The following ZFPM2 variants were observed in gnomAD, a reference collection of about 807,000 sequenced individuals.
The protein encoded by ZFPM2 is zinc finger protein, FOG family member 2.
A neutral mutation model predicts 98.6 loss-of-function variants in ZFPM2; 20 were observed. The ratio of observed to expected loss-of-function variants is 0.20; its 90% CI spans 0.14 to 0.29. The LOEUF is 0.29. Among genes scored for constraint, ZFPM2 ranks in the 10% least tolerant of loss-of-function variants. ZFPM2 has a pLI of 1.00. For synonymous variants in ZFPM2, 518 were observed against 502.7 expected (o/e 1.03, Z -0.41); for missense variants, 1,310 against 1,388.6 (o/e 0.94, Z 0.90).
chr8:105,627,336 G>A (rs376538557), intron 4 of ZFPM2, among the ~76,000 whole-genome samples: 3 of 152,084 alleles, frequency 2.0e-5, no homozygotes, highest in African/African-American at 7.2e-5. Context: ...CTGTCTAAAC[G>A]TGAAACTCTG....
At chr8:105,774,552 G>C (rs1813055357) in intron 5 of ZFPM2, among the ~76,000 whole-genome samples, 1 of 152,066 alleles carries the variant, frequency 6.6e-6, no homozygotes, top group Non-Finnish European at 1.5e-5. Context: ...ATGAAAACAA[G>C]TATAGTATTT....
intron 6 of ZFPM2, among the ~76,000 whole-genome samples, chr8:105,793,820 C>G (rs986000533): frequency 7.2e-6 from 1 of 137,936 alleles, no homozygotes; most frequent in African/African-American, 3.4e-5. Flanking sequence ...TCCCTTCTCG[C>G]TTCATTTCAT....
chr8:105,652,502 A>G (rs944458922), intron 5 of ZFPM2, among the ~76,000 whole-genome samples: 1 of 151,778 alleles, frequency 6.6e-6, no homozygotes, highest in African/African-American at 2.4e-5. Context: ...AGCTATTCCC[A>G]TCTATTTATG....
chr8:105,725,335 T>C (rs1306064489), intron 5 of ZFPM2, among the ~76,000 whole-genome samples: 1 of 151,898 alleles, frequency 6.6e-6, no homozygotes, highest in East Asian at 1.9e-4. Context: ...AAAAATTCTC[T>C]GATACATATT....
intron 3 of ZFPM2, among the ~76,000 whole-genome samples, chr8:105,522,759 A>AG (rs1463256900): frequency 2.0e-5 from 3 of 151,996 alleles, no homozygotes; most frequent in Admixed American, 6.6e-5. Context: ...TCAAAAAAAA[A>AG]AAGAATATAT....
chr8:105,552,286 A>G (rs1814873220), intron 3 of ZFPM2, among the ~76,000 whole-genome samples: 1 of 151,868 alleles, frequency 6.6e-6, no homozygotes, highest in Non-Finnish European at 1.5e-5. Flanking sequence ...TGCACATTCC[A>G]CTGCTGTTTC....
chr8:105,349,928 A>G (rs1357057278), intron 1 of ZFPM2, among the ~76,000 whole-genome samples: 1 of 152,094 alleles, frequency 6.6e-6, no homozygotes, highest in African/African-American at 2.4e-5. Context: ...GATTTGTTAT[A>G]ATTTATTTAA....
chr8:105,678,923 TAATC>T (rs1283338464), intron 5 of ZFPM2: 2 of 152,334 alleles, frequency 1.3e-5, no homozygotes, highest in African/African-American at 4.8e-5. Flanking sequence ...CATCACAAAA[TAATC>T]AAGGCAGTGA....
At chr8:105,628,025 T>C (rs941210268) in intron 4 of ZFPM2, among the ~76,000 whole-genome samples, 4 of 152,216 alleles carry the variant, frequency 2.6e-5, no homozygotes, top group African/African-American at 9.6e-5. Context: ...TTTGTGTGTT[T>C]TATTTCATTT....
chr8:105,543,128 G>T (rs1186854487), intron 3 of ZFPM2, among the ~76,000 whole-genome samples: 1 of 152,124 alleles, frequency 6.6e-6, no homozygotes, highest in Admixed American at 6.6e-5. Flanking sequence ...ATGATGAGAA[G>T]TTAAATTAAA....
At chr8:105,777,540 C>G (rs1813132132) in intron 5 of ZFPM2, among the ~76,000 whole-genome samples, 1 of 152,130 alleles carries the variant, frequency 6.6e-6, no homozygotes, top group South Asian at 2.1e-4. Context: ...CTATAAAAAG[C>G]TGTCAGGAGT....
At chr8:105,774,637 T>G (rs941729708) in intron 5 of ZFPM2, among the ~76,000 whole-genome samples, 11 of 152,188 alleles carry the variant, frequency 7.2e-5, no homozygotes, top group Admixed American at 6.5e-4. Context: ...TAGGATATTT[T>G]GTAAAGAAAA....
At chr8:105,711,210 C>T (rs988745806) in intron 5 of ZFPM2, among the ~76,000 whole-genome samples, 7 of 152,046 alleles carry the variant, frequency 4.6e-5, no homozygotes, top group Admixed American at 2.0e-4. Flanking sequence ...GTATATGCAT[C>T]CTTACCCAAA....
intron 5 of ZFPM2, among the ~76,000 whole-genome samples, chr8:105,655,015 T>C (rs1242259188): frequency 2.6e-5 from 4 of 152,146 alleles, no homozygotes; most frequent in Admixed American, 2.6e-4. Flanking sequence ...AAATAAACTA[T>C]TAATTTTAGA....
intron 3 of ZFPM2, among the ~76,000 whole-genome samples, chr8:105,519,314 G>T (rs1389429694): frequency 6.6e-6 from 1 of 152,022 alleles, no homozygotes; most frequent in African/African-American, 2.4e-5. Flanking sequence ...ATCAAATATG[G>T]TACTGTAAAA....
chr8:105,513,537 A>G (rs1813858178), intron 3 of ZFPM2, among the ~76,000 whole-genome samples: 1 of 152,200 alleles, frequency 6.6e-6, no homozygotes, highest in Admixed American at 6.5e-5. Context: ...GAGCTCTTCT[A>G]TTGTTTGAGT....
intron 1 of ZFPM2, among the ~76,000 whole-genome samples, chr8:105,418,165 G>C (rs1254059418): frequency 6.6e-6 from 1 of 152,092 alleles, no homozygotes; most frequent in Non-Finnish European, 1.5e-5. Flanking sequence ...AGAGTGAGAG[G>C]CTGCCTGAGC....
At chr8:105,779,932 T>G (rs1313606787) in intron 5 of ZFPM2, among the ~76,000 whole-genome samples, 1 of 152,212 alleles carries the variant, frequency 6.6e-6, no homozygotes, top group Non-Finnish European at 1.5e-5. Flanking sequence ...TATCAAAACT[T>G]GTAGTACACG....
intron 1 of ZFPM2, among the ~76,000 whole-genome samples, chr8:105,320,313 A>T (rs1812001639): frequency 6.6e-6 from 1 of 150,458 alleles, no homozygotes; most frequent in Non-Finnish European, 1.5e-5. Context: ...CTACTTAAAC[A>T]TGACTTTCTA....
Sources: allele counts gnomAD v4.1 joint callset (sites outside exome capture counted in the v4.1 genomes callset), GRCh38; gene constraint gnomAD v4.1.1; transcripts MANE v1.5; gene names NCBI Gene and HGNC (gene_info 2026-07-23, HGNC 2026-07-21).